The following UBR4 variants were observed in gnomAD, a reference collection of about 807,000 sequenced individuals.
UBR4 encodes ubiquitin protein ligase E3 component n-recognin 4.
In UBR4, 124 loss-of-function variants were observed where a neutral mutation model predicts 575.6. The ratio of observed to expected loss-of-function variants is 0.22; its 90% CI spans 0.19 to 0.25. The LOEUF is 0.25. Among genes scored for constraint, UBR4 ranks in the 10% least tolerant of loss-of-function variants. The pLI is 1.00. For missense variants in UBR4, 4,818 were observed against 6,478.8 expected (o/e 0.74, Z 8.80); for synonymous variants, 2,455 against 2,473.7 (o/e 0.99, Z 0.22).
chr1:19,150,164 A>AT (rs1192689234), intron 49 of UBR4, among the ~76,000 whole-genome samples: 1 of 152,178 alleles, frequency 6.6e-6, no homozygotes, highest in African/African-American at 2.4e-5. Context: ...TGGCAATGTT[A>AT]TTATCACAGA....
chr1:19,141,075 G>A (rs1571007552), intron 57 of UBR4, among the ~76,000 whole-genome samples, 183 bp from the exon 58 acceptor site: 1 of 152,218 alleles, frequency 6.6e-6, no homozygotes, highest in South Asian at 2.1e-4. Flanking sequence ...ATGGTGGAAT[G>A]CTTCCTTCAG....
chr1:19,088,187 GC>G lies in UBR4; in HGVS notation c.14431-259del, dbSNP rs1051354707. On this transcript the variant is annotated intron_variant, in intron 98 of 105. Coordinates refer to ENST00000375254, the MANE Select transcript of UBR4 (RefSeq NM_020765.3). The surrounding 1 kb of genome is among the most constrained non-coding windows in gnomAD (Gnocchi z 4.0). The stretch of plus-strand genomic sequence containing the variant: ...CAAGGTGCCACCTGCCATCAGAAAA[GC>G]CCCCTTTCTTCATGCCAGCATCTTC... Among the ~76,000 whole-genome samples, 6 of 152,224 alleles carry G rather than the reference GC, an allele frequency of 3.9e-5. No homozygotes were observed. Among genetic ancestry groups the G allele is most frequent in the Admixed American group, 2.6e-4 (4 of 15,280 alleles).
intron 12 of UBR4, 44 bp from the exon 13 acceptor site, chr1:19,187,345 C>A: frequency 9.9e-6 from 16 of 1,608,114 alleles, no homozygotes; most frequent in Non-Finnish European, 1.4e-5. Flanking sequence ...TACTACTCAG[C>A]CAGAAAAAAC....
rs1368025994 is a variant in UBR4, at chr1:19,165,647, A to G, written c.4211+9T>C. 6.2e-7 allele frequency: 1 copy of G among 1,611,820 alleles called. No individual in the cohort carries two copies. Among genetic ancestry groups the G allele is most frequent in the Admixed American group, 1.7e-5 (1 of 59,384 alleles). On this transcript the variant is annotated intron_variant, in intron 30 of 105. Coordinates refer to ENST00000375254, the MANE Select transcript of UBR4 (RefSeq NM_020765.3). ...AAATATTCACTGAATAAAGCAAAACACGGCTCACCTGTCAGAGAAAAACTC... is the reference window on the plus strand; with the variant it reads ...AAATATTCACTGAATAAAGCAAAACGCGGCTCACCTGTCAGAGAAAAACTC...
intron 29 of UBR4, 115 bp from the exon 30 acceptor site, chr1:19,165,872 A>G (rs1348243090): frequency 1.1e-6 from 1 of 896,870 alleles, no homozygotes; most frequent in Admixed American, 3.0e-5. Flanking sequence ...GCAATGTCTA[A>G]TTTTGTTTTG....
At chr1:19,148,660 A>G (rs1245789432) in intron 49 of UBR4, 34 bp from the exon 50 acceptor site, 9 of 1,612,572 alleles carry the variant, frequency 5.6e-6, no homozygotes, top group South Asian at 1.1e-5. Flanking sequence ...TGAGTACAAC[A>G]CCGTTCTCTC....
rs111848436 is a variant in UBR4, at chr1:19,120,164, C to T, written c.10310+16G>A. 5.1e-4 allele frequency: 818 copies of T among 1,612,100 alleles called. 16 individuals are homozygous for T. In the South Asian group the frequency reaches 6.8e-3, roughly 13 times the overall value. ...TCACACCCTTGCAGATCTGTCAAAC[C>T]AAGCCCTGGCCCTACCTGTAGATGT... On this transcript the variant is annotated intron_variant, in intron 69 of 105. Coordinates refer to ENST00000375254, the MANE Select transcript of UBR4 (RefSeq NM_020765.3).
chr1:19,077,873 A>T, intron 104 of UBR4, 103 bp downstream of exon 104: 1 of 1,596,828 alleles, frequency 6.3e-7, no homozygotes, highest in Non-Finnish European at 8.5e-7. Flanking sequence ...CCCCAGGCCC[A>T]GCGGAGGAGC....
intron 11 of UBR4, among the ~76,000 whole-genome samples, chr1:19,189,913 C>T (rs2091908602): frequency 6.6e-6 from 1 of 152,066 alleles, no homozygotes; most frequent in Non-Finnish European, 1.5e-5. Flanking sequence ...CAGATTTCAG[C>T]TTAATTAGCA....
intron 81 of UBR4, among the ~76,000 whole-genome samples, chr1:19,108,404 C>T (rs902508048): frequency 2.0e-5 from 3 of 151,430 alleles, no homozygotes; most frequent in African/African-American, 4.9e-5. Context: ...CAAGCACAAG[C>T]GGAGATCCAT....
chr1:19,127,749 AAAGCGT>A lies in UBR4; in HGVS notation c.9112-16_9112-11del. ...TCTTCTTGGAGACATCCTGCAGGCC[AAAGCGT>A]AAGTCCAGAAACCTCTACTTACTCG... On this transcript the variant is annotated splice_polypyrimidine_tract_variant and intron_variant, in intron 62 of 105. Coordinates refer to ENST00000375254, the MANE Select transcript of UBR4 (RefSeq NM_020765.3). The A allele has an allele frequency of 6.2e-7, 1 of 1,611,102 alleles. No individual in the cohort carries two copies. Among genetic ancestry groups the A allele is most frequent in the Non-Finnish European group, 8.5e-7 (1 of 1,177,276 alleles).
intron 2 of UBR4, 21 bp downstream of exon 2, chr1:19,201,697 G>C (rs1044064774): frequency 6.3e-7 from 1 of 1,597,530 alleles, no homozygotes; most frequent in East Asian, 2.2e-5. Flanking sequence ...CAGAAGGGAA[G>C]GACAAGAGTG....
rs761960636 is a variant in UBR4 at position 19,094,058 on chromosome 1, G to A, written c.13828C>T (p.Pro4610Ser). 1 of 1,614,092 alleles carries A rather than the reference G, an allele frequency of 6.2e-7. No individual in the cohort carries two copies. The highest frequency in any genetic ancestry group is 8.5e-7 in the Non-Finnish European group (1 of 1,180,012). ...CGAAGCAGGCCCTGGAGCACACTGG[G>A]GTTGGAGCGAACAAAGGTGCTGTTG... The part of the protein sequence containing the change: ...QINSTFVRSN[P>S]SVLQGLLRII... Residue 4610 changes from proline to serine, a missense_variant, in exon 95 of 106, where the codon CCC (proline) becomes TCC (serine). This residue lies in a region of UBR4 where 165 missense variants were observed against 282.3 expected (regional missense o/e 0.58). Coordinates refer to ENST00000375254, the MANE Select transcript of UBR4 (RefSeq NM_020765.3).
At chr1:19,149,605 T>G (rs1308273772) in intron 49 of UBR4, among the ~76,000 whole-genome samples, 1 of 152,012 alleles carries the variant, frequency 6.6e-6, no homozygotes, top group East Asian at 1.9e-4. Context: ...TACTCCATTT[T>G]TACACATGGA....
chr1:19,204,173 A>ATT (rs1207328332), intron 1 of UBR4, among the ~76,000 whole-genome samples: 1 of 147,930 alleles, frequency 6.8e-6, no homozygotes, highest in Non-Finnish European at 1.5e-5. Context: ...TAATTTTTGT[A>ATT]TTTTTTTTTT....
intron 50 of UBR4, 75 bp from the exon 51 acceptor site, chr1:19,148,202 C>G: frequency 6.6e-7 from 1 of 1,506,616 alleles, no homozygotes; most frequent in South Asian, 1.3e-5. Context: ...ACTCTGCCTG[C>G]CCTTCCTTCC....
Position 19,198,851 on chromosome 1 carries a change from T to C in UBR4, c.456A>G (p.Thr152=). The C allele has an allele frequency of 1.2e-6, 2 of 1,614,252 alleles. No individual in the cohort carries two copies. Among genetic ancestry groups the C allele is most frequent in the Non-Finnish European group, 1.7e-6 (2 of 1,180,046 alleles). Reference sequence around the variant, plus strand: ...GCAGCTTGGCGGATTTCATCATTGCTGTAAATGTGATAATTTCAGTTCTAT... The same window carrying C: ...GCAGCTTGGCGGATTTCATCATTGCCGTAAATGTGATAATTTCAGTTCTAT... ...RLDRTEIITF[T]AMMKSAKLPQ... Residue 152 remains threonine, a synonymous_variant, in exon 4 of 106, where the codon ACA becomes ACG. Coordinates refer to ENST00000375254, the MANE Select transcript of UBR4 (RefSeq NM_020765.3).
intron 27 of UBR4, among the ~76,000 whole-genome samples, chr1:19,168,754 G>A (rs1178344492): frequency 2.0e-5 from 3 of 152,066 alleles, no homozygotes; most frequent in Non-Finnish European, 2.9e-5. Flanking sequence ...GAGACAGGCG[G>A]ATCAGGAGGT....
Position 19,157,069 on chromosome 1 carries a change from T to TA in UBR4, c.5761-145dup. The stretch of plus-strand genomic sequence containing the variant: ...AGTCTAGTAGAAAATCCTAGATCAG[T>TA]ATTAGTCTCTATTACTCCTGGCTAA... On this transcript the variant is annotated intron_variant, in intron 40 of 105. Coordinates refer to ENST00000375254, the MANE Select transcript of UBR4 (RefSeq NM_020765.3). The surrounding 1 kb of genome is among the most constrained non-coding windows in gnomAD (Gnocchi z 4.4). 1.2e-6 allele frequency: 1 copy of TA among 841,232 alleles called. No homozygotes were observed. The highest frequency in any genetic ancestry group is 2.0e-5 in the South Asian group (1 of 49,496). 52.1% of individuals were successfully genotyped at this position (841,232 alleles called of 1,614,324 possible).
Sources: allele counts gnomAD v4.1 joint callset (sites outside exome capture counted in the v4.1 genomes callset), GRCh38; gene constraint gnomAD v4.1.1; regional missense constraint gnomAD v4.1.1; non-coding constraint Gnocchi (gnomAD v3.1); transcripts MANE v1.5; gene names NCBI Gene and HGNC (gene_info 2026-07-23, HGNC 2026-07-21).